Variants in IFT46 observed in about 807,000 individuals in gnomAD.
The protein encoded by IFT46 is intraflagellar transport 46.
In IFT46, 19 loss-of-function variants were observed where a neutral mutation model predicts 39.6. The ratio of observed to expected loss-of-function variants is 0.48; its 90% CI spans 0.33 to 0.70. The LOEUF is 0.70. IFT46 is among the 30% of genes least tolerant of loss of function. IFT46 has a pLI of 0.01. For synonymous variants in IFT46, 117 were observed against 134.8 expected, an observed-to-expected ratio of 0.87 and a Z score of 0.91; for missense variants, 334 against 364.8, an observed-to-expected ratio of 0.92 and a Z score of 0.69.
At chr11:118,545,080 A>C (rs1474055430) in intron 11 of IFT46, 69 bp from the exon 12 acceptor site, 3 of 1,164,314 alleles carry the variant, frequency 2.6e-6, no homozygotes, top group Non-Finnish European at 3.8e-6. Flanking sequence ...AACAAGAATT[A>C]ATTTCTTTAA....
At chr11:118,576,301 T>G (rs1555073558), upstream of IFT46, among the ~76,000 whole-genome samples, 1 of 145,294 alleles carries the variant, frequency 6.9e-6, no homozygotes, top group Non-Finnish European at 1.5e-5. Flanking sequence ...ATGAGGGAAT[T>G]TTTTTTTTTT....
At chr11:118,567,400 C>A (rs1555071683), upstream of IFT46, among the ~76,000 whole-genome samples, 1 of 151,954 alleles carries the variant, frequency 6.6e-6, no homozygotes, top group Non-Finnish European at 1.5e-5. Context: ...CATGGTGAAA[C>A]CCCCGTCTCT....
At chr11:118,567,501 G>A (rs1328353950), upstream of IFT46, among the ~76,000 whole-genome samples, 1 of 152,102 alleles carries the variant, frequency 6.6e-6, no homozygotes, top group Non-Finnish European at 1.5e-5. Context: ...GCTTGAACCC[G>A]GGAGGTGGAG....
chr11:118,555,116 G>A, intron 5 of IFT46, 33 bp from the exon 6 acceptor site: 1 of 1,563,136 alleles, frequency 6.4e-7, no homozygotes, highest in Non-Finnish European at 8.8e-7. Context: ...GGTGGAGACA[G>A]TCAGAAAAAG....
intron 3 of IFT46, chr11:118,557,855 G>A (rs782581639): frequency 2.2e-5 from 36 of 1,610,688 alleles, no homozygotes; most frequent in Non-Finnish European, 2.8e-5. Flanking sequence ...CTTTGCCTCT[G>A]TGGCCTGGAG....
At chr11:118,559,176 C>T (rs140267693) in intron 3 of IFT46, among the ~76,000 whole-genome samples, 86 of 151,966 alleles carry the variant, frequency 5.7e-4, no homozygotes, top group East Asian at 2.2e-3. Context: ...CCAACATAAA[C>T]GGTTTTTAAG....
intron 10 of IFT46, 62 bp downstream of exon 10, chr11:118,545,731 G>A: frequency 1.3e-6 from 2 of 1,527,996 alleles, no homozygotes; most frequent in South Asian, 1.1e-5. Context: ...AAACAAGCCT[G>A]TCCAAAAGCC....
intron 2 of IFT46, chr11:118,560,983 T>C (rs1256607912): frequency 1.9e-5 from 27 of 1,390,840 alleles, no homozygotes; most frequent in African/African-American, 7.1e-5. Context: ...CTGCAACTTA[T>C]TGTACTGGCC....
intron 9 of IFT46, among the ~76,000 whole-genome samples, chr11:118,549,587 C>T (rs1195793186): frequency 1.3e-5 from 2 of 149,586 alleles, no homozygotes; most frequent in African/African-American, 2.5e-5. Flanking sequence ...TGCAGTGGCA[C>T]GATCTCGGCT....
At chr11:118,561,709 A>G (rs1938062643) in intron 2 of IFT46, 1 of 261,424 alleles carries the variant, frequency 3.8e-6, no homozygotes, top group African/African-American at 2.3e-5. Flanking sequence ...TTTCTAACCC[A>G]GGCCTCTTAT....
intron 8 of IFT46, 61 bp from the exon 9 acceptor site, chr11:118,551,913 G>A: frequency 3.4e-6 from 5 of 1,460,864 alleles, no homozygotes; most frequent in Non-Finnish European, 4.8e-6. Flanking sequence ...GCAACCTCTG[G>A]ATCAGCATAT....
intron 1 of IFT46, among the ~76,000 whole-genome samples, chr11:118,571,347 G>A (rs2135522538): frequency 6.6e-6 from 1 of 152,140 alleles, no homozygotes; most frequent in Middle Eastern, 3.4e-3. Flanking sequence ...GGATTTGTTT[G>A]GATTGTCTCC....
rs79732776 is a variant in IFT46, at chr11:118,546,579, A to G, written c.673-726T>C. The G allele has an allele frequency of 5.7e-3, 1,042 of 181,352 alleles. 6 individuals carry two copies. The highest frequency in any genetic ancestry group is 0.023 in the African/African-American group (994 of 42,470). 11.2% of individuals were successfully genotyped at this position (181,352 alleles called of 1,614,324 possible). A position where few individuals can be genotyped will look rare whatever the true frequency, so the allele number is the denominator to read the frequency against. ...GACTACTAGCCTCCAGAACTATGAA[A>G]TAATACATTTCTGATGTCTAAGCCA... is the stretch of plus-strand genomic sequence containing the variant. On this transcript the variant is annotated intron_variant, in intron 9 of 11. Coordinates refer to ENST00000264021, the MANE Select transcript of IFT46 (RefSeq NM_001168618.2).
chr11:118,556,058 T>G (rs1351174793), intron 4 of IFT46, among the ~76,000 whole-genome samples: 1 of 152,236 alleles, frequency 6.6e-6, no homozygotes, highest in Non-Finnish European at 1.5e-5. Context: ...GGTCTCACTC[T>G]GTTGACCAGG....
chr11:118,570,591 T>G (rs1555072204), upstream of IFT46, among the ~76,000 whole-genome samples: 2 of 152,208 alleles, frequency 1.3e-5, no homozygotes, highest in Admixed American at 1.3e-4. Context: ...GAGCTAAGGA[T>G]GTAGGATAAA....
intron 4 of IFT46, among the ~76,000 whole-genome samples, chr11:118,555,931 A>AC (rs1226868950): frequency 6.6e-6 from 1 of 152,090 alleles, no homozygotes; most frequent in Non-Finnish European, 1.5e-5. Flanking sequence ...TCAAAAAAAA[A>AC]AAGAGATTTA....
upstream of IFT46, chr11:118,573,587 C>T: frequency 1.5e-6 from 1 of 674,882 alleles, no homozygotes. Flanking sequence ...GAAGGATGTT[C>T]TGTTCTGTTC....
chr11:118,551,525 A>AC (rs1366288334), intron 9 of IFT46, among the ~76,000 whole-genome samples: 3 of 151,548 alleles, frequency 2.0e-5, no homozygotes, highest in African/African-American at 7.3e-5. Context: ...AATTAAAAAA[A>AC]TGGCTGAGTG....
chr11:118,558,591 CTG>C (rs1214283879), intron 3 of IFT46, among the ~76,000 whole-genome samples: 3 of 151,496 alleles, frequency 2.0e-5, no homozygotes, highest in African/African-American at 4.9e-5. Flanking sequence ...CGAGATGACT[CTG>C]TCTCAAAACA....
Sources: gnomAD v4.1 joint callset for allele counts (sites outside exome capture counted in the v4.1 genomes callset) on GRCh38, gnomAD v4.1.1 for gene constraint, MANE v1.5 for transcripts, NCBI Gene and HGNC (gene_info 2026-07-23, HGNC 2026-07-21) for gene names.